The following GPHN variants were observed in gnomAD, a reference collection of about 807,000 sequenced individuals.
GPHN encodes the protein gephyrin.
A neutral mutation model predicts 95.5 loss-of-function variants in GPHN; 17 were observed. The ratio of observed to expected loss-of-function variants is 0.18; its 90% CI spans 0.12 to 0.27. The LOEUF is 0.27. GPHN is among the 10% of genes least tolerant of loss of function. GPHN has a pLI of 1.00. For missense variants in GPHN, 660 were observed against 978.1 expected (o/e 0.67, Z 4.34); for synonymous variants, 320 against 322.5 (o/e 0.99, Z 0.08).
At chr14:67,052,267 T>C (rs1594946344) in intron 10 of GPHN, among the ~76,000 whole-genome samples, 1 of 151,448 alleles carries the variant, frequency 6.6e-6, no homozygotes, top group Non-Finnish European at 1.5e-5. Flanking sequence ...GAGGAAATTT[T>C]ACCAAGCAAA....
At chr14:66,633,151 T>G (rs1179167024) in intron 1 of GPHN, among the ~76,000 whole-genome samples, 3 of 152,206 alleles carry the variant, frequency 2.0e-5, no homozygotes, top group African/African-American at 7.2e-5. Flanking sequence ...TTTGTTTTAT[T>G]TTCTACTGTA....
At chr14:66,931,405 A>C (rs2066790809) in intron 8 of GPHN, among the ~76,000 whole-genome samples, 2 of 151,910 alleles carry the variant, frequency 1.3e-5, no homozygotes, top group African/African-American at 4.8e-5. Flanking sequence ...TATGTTTTGA[A>C]AGATCTTTGT....
intron 9 of GPHN, among the ~76,000 whole-genome samples, chr14:66,975,897 A>T (rs1008580250): frequency 6.6e-6 from 1 of 152,110 alleles, no homozygotes; most frequent in African/African-American, 2.4e-5. Flanking sequence ...AAATAAAACT[A>T]TGAGGACTAG....
the GPHN span, among the ~76,000 whole-genome samples, chr14:67,275,558 CA>C: frequency 6.6e-6 from 1 of 152,170 alleles, no homozygotes; most frequent in African/African-American, 2.4e-5. Flanking sequence ...CGACATTCAT[CA>C]GGGCTTTTGG....
At chr14:66,873,729 C>A (rs183080301) in intron 4 of GPHN, among the ~76,000 whole-genome samples, 6 of 152,298 alleles carry the variant, frequency 3.9e-5, no homozygotes, top group Non-Finnish European at 8.8e-5. Flanking sequence ...TCTCTCTGGG[C>A]AGGACATCTC....
intron 1 of GPHN, among the ~76,000 whole-genome samples, chr14:66,652,120 G>T (rs953771092): frequency 6.6e-6 from 1 of 152,042 alleles, no homozygotes; most frequent in Non-Finnish European, 1.5e-5. Context: ...GAGTCTTTCA[G>T]AATATAGAGG....
chr14:67,057,690 CCTCTTTCTCTTTCTTGTT>C (rs1435718038), intron 10 of GPHN, among the ~76,000 whole-genome samples: 1 of 152,160 alleles, frequency 6.6e-6, no homozygotes, highest in African/African-American at 2.4e-5. Flanking sequence ...TTCCTTCCTT[CCTCTTTCTCTTTCTTGTT>C]CTCTTTCTCT....
chr14:66,726,223 A>T (rs148854749), intron 2 of GPHN, among the ~76,000 whole-genome samples: 4 of 152,346 alleles, frequency 2.6e-5, no homozygotes, highest in Admixed American at 2.6e-4. Flanking sequence ...GTACTACTGT[A>T]CTTTCCTTTT....
At chr14:66,533,062 G>A (rs1173091225) in intron 1 of GPHN, among the ~76,000 whole-genome samples, 1 of 152,150 alleles carries the variant, frequency 6.6e-6, no homozygotes, top group Non-Finnish European at 1.5e-5. Context: ...CAGTCCACTT[G>A]CCTTCTCCCT....
At chr14:67,144,278 T>TGTATATATAC (rs2080755004) in intron 18 of GPHN, among the ~76,000 whole-genome samples, 2 of 111,156 alleles carry the variant, frequency 1.8e-5, no homozygotes, top group African/African-American at 7.1e-5. Context: ...TATATATATA[T>TGTATATATAC]ATATATATAC....
the GPHN span, chr14:67,203,260 C>T: frequency 1.2e-6 from 2 of 1,604,210 alleles, no homozygotes; most frequent in East Asian, 2.2e-5. Flanking sequence ...AGTCTCCTGA[C>T]ATCTCCTCCT....
chr14:66,625,978 G>A (rs1457471094), intron 1 of GPHN, among the ~76,000 whole-genome samples: 1 of 152,152 alleles, frequency 6.6e-6, no homozygotes, highest in East Asian at 1.9e-4. Context: ...CACTATCATA[G>A]GGCATTTTCT....
chr14:67,641,649 T>C, the GPHN span, among the ~76,000 whole-genome samples: 3 of 152,192 alleles, frequency 2.0e-5, no homozygotes, highest in Non-Finnish European at 4.4e-5. Flanking sequence ...TTATAATATG[T>C]GAATTTCTTG....
intron 2 of GPHN, among the ~76,000 whole-genome samples, chr14:66,683,506 T>A (rs1212899048): frequency 1.6e-5 from 2 of 125,166 alleles, no homozygotes; most frequent in East Asian, 4.8e-4. Flanking sequence ...GTATGTACAT[T>A]GTAGGTGAGT....
chr14:66,905,267 G>A lies in GPHN; in HGVS notation c.390-10736G>A, dbSNP rs1424973424. Among the ~76,000 whole-genome samples, 5 of 152,080 alleles carry A rather than the reference G, an allele frequency of 3.3e-5. No individual in the cohort carries two copies. The East Asian group carries it at 9.7e-4, about 29-fold the overall frequency. On this transcript the variant is annotated intron_variant, in intron 5 of 22. Coordinates refer to ENST00000478722, the MANE Select transcript of GPHN (RefSeq NM_020806.5). The stretch of plus-strand genomic sequence containing the variant: ...TATATATCTCAGTTCCAAGGTTAAT[G>A]TTTGGTTTTTAATTATTTCAATCTG...
the GPHN span, among the ~76,000 whole-genome samples, chr14:67,403,071 T>A: frequency 6.6e-6 from 1 of 152,204 alleles, no homozygotes; most frequent in Non-Finnish European, 1.5e-5. Flanking sequence ...CTCCATATCC[T>A]CACCAGAATT....
intron 1 of GPHN, among the ~76,000 whole-genome samples, chr14:66,570,295 CT>C (rs535461102): frequency 0.17 from 17,426 of 99,988 alleles, 2,289 homozygotes; most frequent in African/African-American, 0.44. Flanking sequence ...ATTTCATGTA[CT>C]TTTTTTTTTT....
chr14:67,725,104 C>T, the GPHN span: 14 of 1,613,984 alleles, frequency 8.7e-6, no homozygotes, highest in African/African-American at 2.7e-5. Flanking sequence ...CCCAGGAGCC[C>T]GAGTCTATAT....
At chr14:67,008,468 GA>G (rs200305876) in intron 9 of GPHN, among the ~76,000 whole-genome samples, 41 of 143,822 alleles carry the variant, frequency 2.9e-4, no homozygotes, top group African/African-American at 8.7e-4. Context: ...AAAGAAAAAA[GA>G]AAAAAAAAAG....
Sources: allele counts gnomAD v4.1 joint callset (sites outside exome capture counted in the v4.1 genomes callset), GRCh38; gene constraint gnomAD v4.1.1; transcripts MANE v1.5; gene names NCBI Gene and HGNC (gene_info 2026-07-23, HGNC 2026-07-21).